The following KCNQ1OT1 variants were observed in gnomAD, a reference collection of about 807,000 sequenced individuals.
KCNQ1OT1 encodes the protein KCNQ1 opposite strand/antisense transcript 1, also known as KCNQ1 antisense RNA 2 (non-protein coding).
chr11:2,639,018 C>G (rs981508381), exon 1 of KCNQ1OT1: 3 of 152,220 alleles, frequency 2.0e-5, no homozygotes, highest in African/African-American at 7.2e-5. Flanking sequence ...GCTACTGAAG[C>G]TTGTGCATTT....
In KCNQ1OT1 at chr11:2,676,714, A is replaced by C. The variant is rs951352555; in HGVS notation, n.23281T>G. 4 of 398,554 alleles carry C rather than the reference A, an allele frequency of 1.0e-5. No individual in the cohort carries two copies. Among genetic ancestry groups the C allele is most frequent in the Admixed American group, 4.4e-5 (1 of 22,722 alleles). 24.7% of individuals were successfully genotyped at this position (398,554 alleles called of 1,614,324 possible). On this transcript the variant is annotated non_coding_transcript_exon_variant, in exon 1 of 1. Coordinates refer to ENST00000597346, the Ensembl canonical transcript of KCNQ1OT1. This position sits in a 1 kb window ranked among gnomAD's most constrained non-coding sequence, Gnocchi z 4.2. ...GACTACAGCCTGGCAGGAGATAACC[A>C]AGTCATATGCATAGTGGCTTTGGGT... is the stretch of plus-strand genomic sequence containing the variant.
exon 1 of KCNQ1OT1, chr11:2,631,106 A>G (rs766399775): frequency 7.5e-6 from 3 of 398,406 alleles, no homozygotes; most frequent in Non-Finnish European, 1.3e-5. Context: ...TCATGTACCT[A>G]GATGTCCATC....
chr11:2,624,573 C>T lies in KCNQ1OT1; in HGVS notation n.75422G>A, dbSNP rs1428420795. 4.0e-5 allele frequency: 16 copies of T among 398,228 alleles called. No homozygotes were observed. The highest frequency in any genetic ancestry group is 5.8e-5 in the Non-Finnish European group (13 of 226,004). 24.7% of individuals were successfully genotyped at this position (398,228 alleles called of 1,614,324 possible). A position where few individuals can be genotyped will look rare whatever the true frequency, so the allele number is the denominator to read the frequency against. On this transcript the variant is annotated non_coding_transcript_exon_variant, in exon 1 of 1. Transcript: ENST00000597346. This position sits in a 1 kb window ranked among gnomAD's most constrained non-coding sequence, Gnocchi z 4.9. The stretch of plus-strand genomic sequence containing the variant: ...TTGATTTCCAAATCTTTTATTGTGG[C>T]AAAATACACTTAACATAAAAATTAC...
In KCNQ1OT1 at chr11:2,674,005, C is replaced by T. The variant is rs987979321; in HGVS notation, n.25990G>A. On this transcript the variant is annotated non_coding_transcript_exon_variant, in exon 1 of 1. Coordinates refer to ENST00000597346, the Ensembl canonical transcript of KCNQ1OT1. This position sits in a 1 kb window ranked among gnomAD's most constrained non-coding sequence, Gnocchi z 5.9. ...GGGGTGGGGTGGGGGGAGGGCCCTC[C>T]GTGCTTTCTGGCTCTTTGGGCCTGG... 2.0e-5 allele frequency: 8 copies of T among 398,108 alleles called. No individual in the cohort carries two copies. Among genetic ancestry groups the T allele is most frequent in the Admixed American group, 1.8e-4 (4 of 22,690 alleles). The allele number at this position is 398,108 out of a possible 1,614,324, so 24.7% of individuals were successfully genotyped here.
chr11:2,627,583 G>C lies in KCNQ1OT1; in HGVS notation n.72412C>G, dbSNP rs1397469134. The C allele has an allele frequency of 2.5e-6, 1 of 398,266 alleles. No homozygotes were observed. Among genetic ancestry groups the C allele is most frequent in the African/African-American group, 2.1e-5 (1 of 48,504 alleles). The allele number at this position is 398,266 out of a possible 1,614,324, so 24.7% of individuals were successfully genotyped here. On this transcript the variant is annotated non_coding_transcript_exon_variant, in exon 1 of 1. Coordinates refer to ENST00000597346, the Ensembl canonical transcript of KCNQ1OT1. The surrounding 1 kb of genome is among the most constrained non-coding windows in gnomAD (Gnocchi z 4.9). ...TTTCTGTGTCTGGCTATTTCACTTA[G>C]CATAATATCCTCCAGGTTCATCTAT...
At chr11:2,641,181 T>C (rs2133829697) in exon 1 of KCNQ1OT1, 1 of 398,510 alleles carries the variant, frequency 2.5e-6, no homozygotes, top group East Asian at 3.6e-5. Flanking sequence ...TAGATAAATA[T>C]CCAGTAGTGA....
rs769974306 is a variant in KCNQ1OT1 at position 2,669,537 on chromosome 11, G to C, written n.30458C>G. 10 of 398,468 alleles carry C rather than the reference G, an allele frequency of 2.5e-5. No individual in the cohort carries two copies. Among genetic ancestry groups the C allele is most frequent in the Admixed American group, 4.4e-5 (1 of 22,716 alleles). 24.7% of individuals were successfully genotyped at this position (398,468 alleles called of 1,614,324 possible). ...TTTGATGTATGTTCGCTGAATCCAG[G>C]GACAAGGTCTGTCAGGGAGCCCTGG... On this transcript the variant is annotated non_coding_transcript_exon_variant, in exon 1 of 1. Coordinates refer to ENST00000597346, the Ensembl canonical transcript of KCNQ1OT1. The surrounding 1 kb of genome is among the most constrained non-coding windows in gnomAD (Gnocchi z 5.6).
rs1192906556 is a variant in KCNQ1OT1, at chr11:2,647,634, T to A, written n.52361A>T. The A allele has an allele frequency of 2.5e-6, 1 of 398,434 alleles. No homozygotes were observed. Among genetic ancestry groups the A allele is most frequent in the Non-Finnish European group, 4.4e-6 (1 of 226,040 alleles). The allele number at this position is 398,434 out of a possible 1,614,324, so 24.7% of individuals were successfully genotyped here. ...AGAAAACCCGTGCAATCCTGAGGTT[T>A]TCTTTACTGGGAGACTTTATTACTG... On this transcript the variant is annotated non_coding_transcript_exon_variant, in exon 1 of 1. Transcript: ENST00000597346. This position sits in a 1 kb window ranked among gnomAD's most constrained non-coding sequence, Gnocchi z 4.0.
exon 1 of KCNQ1OT1, chr11:2,672,772 C>T (rs1462180819): frequency 2.5e-6 from 1 of 398,670 alleles, no homozygotes; most frequent in East Asian, 3.6e-5. Context: ...CCTGTCTCCT[C>T]CCCGCAACAG....
exon 1 of KCNQ1OT1, chr11:2,681,361 C>G: frequency 5.0e-6 from 2 of 398,520 alleles, no homozygotes; most frequent in Non-Finnish European, 8.8e-6. Context: ...TCCCTGCTCA[C>G]TCCATGTGGA....
In KCNQ1OT1 at chr11:2,659,692, G is replaced by A. The variant is rs1849915573; in HGVS notation, n.40303C>T. The A allele has an allele frequency of 2.5e-6, 1 of 398,368 alleles. No individual in the cohort carries two copies. The highest frequency in any genetic ancestry group is 4.4e-6 in the Non-Finnish European group (1 of 226,014). 24.7% of individuals were successfully genotyped at this position (398,368 alleles called of 1,614,324 possible). A position where few individuals can be genotyped will look rare whatever the true frequency, so the allele number is the denominator to read the frequency against. On this transcript the variant is annotated non_coding_transcript_exon_variant, in exon 1 of 1. Coordinates refer to ENST00000597346, the Ensembl canonical transcript of KCNQ1OT1. The surrounding 1 kb of genome is among the most constrained non-coding windows in gnomAD (Gnocchi z 4.3). ...TGCTAAACTATTTCCTAAAGTCACTGTGCCATTTTGCATTCCCACCAGTAA... is the reference window on the plus strand; with the variant it reads ...TGCTAAACTATTTCCTAAAGTCACTATGCCATTTTGCATTCCCACCAGTAA...
exon 1 of KCNQ1OT1, chr11:2,675,598 G>T: frequency 2.5e-6 from 1 of 398,620 alleles, no homozygotes; most frequent in Admixed American, 4.4e-5. Flanking sequence ...GATCCCAATT[G>T]CTCCTCAGAT....
rs1490286772 is a variant in KCNQ1OT1 at position 2,627,314 on chromosome 11, G to A, written n.72681C>T. The A allele has an allele frequency of 1.5e-5, 6 of 398,434 alleles. No homozygotes were observed. The highest frequency in any genetic ancestry group is 7.1e-5 in the East Asian group (2 of 28,068). 24.7% of individuals were successfully genotyped at this position (398,434 alleles called of 1,614,324 possible). A position where few individuals can be genotyped will look rare whatever the true frequency, so the allele number is the denominator to read the frequency against. The stretch of plus-strand genomic sequence containing the variant: ...ACATAGTTGCCATGTGTGTGCGTGT[G>A]TGTGGTCAGAATACCTAAGCTATAC... On this transcript the variant is annotated non_coding_transcript_exon_variant, in exon 1 of 1. Transcript: ENST00000597346. The surrounding 1 kb of genome is among the most constrained non-coding windows in gnomAD (Gnocchi z 4.9).
chr11:2,644,736 T>G (rs1849640481), exon 1 of KCNQ1OT1: 1 of 398,574 alleles, frequency 2.5e-6, no homozygotes, highest in Non-Finnish European at 4.4e-6. Flanking sequence ...ATCTATGGTG[T>G]TCTTTGGGCA....
In KCNQ1OT1 at chr11:2,695,787, TCTC is replaced by T. The variant is rs1850665724; in HGVS notation, n.4205_4207del. On this transcript the variant is annotated non_coding_transcript_exon_variant, in exon 1 of 1. Coordinates refer to ENST00000597346, the Ensembl canonical transcript of KCNQ1OT1. The surrounding 1 kb of genome is among the most constrained non-coding windows in gnomAD (Gnocchi z 5.2). ...TGGCCTTATCCTACTTTCTAATGCTTCTCCTATGAAGAATAGCTGTTGCTTTCA... is the reference window on the plus strand; with the variant it reads ...TGGCCTTATCCTACTTTCTAATGCTTCTATGAAGAATAGCTGTTGCTTTCA... 1.0e-5 allele frequency: 4 copies of T among 398,516 alleles called. No individual in the cohort carries two copies. The highest frequency in any genetic ancestry group is 2.1e-5 in the African/African-American group (1 of 48,624). The allele number at this position is 398,516 out of a possible 1,614,324, so 24.7% of individuals were successfully genotyped here. A position where few individuals can be genotyped will look rare whatever the true frequency, so the allele number is the denominator to read the frequency against.
At position 2,670,250 on chromosome 11, in the gene KCNQ1OT1, G is replaced by A. The variant is rs570781640; in HGVS notation, n.29745C>T. 7.5e-6 allele frequency: 3 copies of A among 398,580 alleles called. No homozygotes were observed. The highest frequency in any genetic ancestry group is 8.8e-6 in the Non-Finnish European group (2 of 226,068). 24.7% of individuals were successfully genotyped at this position (398,580 alleles called of 1,614,324 possible). On this transcript the variant is annotated non_coding_transcript_exon_variant, in exon 1 of 1. Coordinates refer to ENST00000597346, the Ensembl canonical transcript of KCNQ1OT1. This position sits in a 1 kb window ranked among gnomAD's most constrained non-coding sequence, Gnocchi z 4.9. ...GCCTTTGACCCTGCACATGACGGGC[G>A]AGGGAAGAGGACCATGGTAGCTTGT...
At chr11:2,610,025 T>G in exon 1 of KCNQ1OT1, 1 of 398,000 alleles carries the variant, frequency 2.5e-6, no homozygotes. Flanking sequence ...ATTATTGATA[T>G]AATTAGATTT....
Position 2,683,718 on chromosome 11 carries a change from C to T in KCNQ1OT1, n.16277G>A, listed in dbSNP as rs916223059. ...TGGGACTCAGGCCTTTCCTTACTCC[C>T]TCTGGTTACCTAGCTTTAGCTCTGA... is the stretch of plus-strand genomic sequence containing the variant. On this transcript the variant is annotated non_coding_transcript_exon_variant, in exon 1 of 1. Transcript: ENST00000597346. The surrounding 1 kb of genome is among the most constrained non-coding windows in gnomAD (Gnocchi z 4.7). 2.5e-6 allele frequency: 1 copy of T among 398,600 alleles called. No individual in the cohort carries two copies. Among genetic ancestry groups the T allele is most frequent in the Non-Finnish European group, 4.4e-6 (1 of 226,066 alleles). 24.7% of individuals were successfully genotyped at this position (398,600 alleles called of 1,614,324 possible). A position where few individuals can be genotyped will look rare whatever the true frequency, so the allele number is the denominator to read the frequency against.
rs532820070 is a variant in KCNQ1OT1, at chr11:2,678,971, T to C, written n.21024A>G. ...ACTCAATAGAGAACAAAAGAGCAAA[T>C]AGGCCTAATTCAAGAATTTTTAAAA... On this transcript the variant is annotated non_coding_transcript_exon_variant, in exon 1 of 1. Transcript: ENST00000597346. This position sits in a 1 kb window ranked among gnomAD's most constrained non-coding sequence, Gnocchi z 4.9. 59 of 398,458 alleles carry C rather than the reference T, an allele frequency of 1.5e-4. No homozygotes were observed. Among genetic ancestry groups the C allele is most frequent in the African/African-American group, 1.1e-3 (53 of 48,676 alleles). 24.7% of individuals were successfully genotyped at this position (398,458 alleles called of 1,614,324 possible).
Sources: gnomAD v4.1 joint callset for allele counts on GRCh38, gnomAD v4.1.1 for gene constraint, Gnocchi (gnomAD v3.1) non-coding constraint, MANE v1.5 for transcripts, NCBI Gene and HGNC (gene_info 2026-07-23, HGNC 2026-07-21) for gene names.